The following OPLAH variants were observed in gnomAD, a reference collection of about 807,000 sequenced individuals.
The protein encoded by OPLAH is 5-oxoprolinase.
In OPLAH, 103 loss-of-function variants were observed where a neutral mutation model predicts 122.8. The observed-to-expected ratio is 0.84, with a 90% CI of 0.71 to 0.99. OPLAH has a LOEUF of 0.99. Among genes scored for constraint, OPLAH ranks in the 50% least tolerant of loss-of-function variants. The pLI is 0.00. For missense variants in OPLAH, 1,902 were observed against 1,836.5 expected (o/e 1.04, Z -0.65); for synonymous variants, 875 against 796.0 (o/e 1.10, Z -1.67).
At position 144,051,471 on chromosome 8, in the gene OPLAH, T is replaced by A. The variant is rs1190605423; in HGVS notation, c.3722A>T (p.Asp1241Val). 87 of 699,904 alleles carry A rather than the reference T, an allele frequency of 1.2e-4. No homozygotes were observed. The highest frequency in any genetic ancestry group is 1.8e-4 in the Non-Finnish European group (86 of 487,226). The allele number at this position is 699,904 out of a possible 1,614,324, so 43.4% of individuals were successfully genotyped here. Reference sequence around the variant, plus strand: ...GCCGGGCGTGTGGAGACAGAACACATCCTGTTGGCGCGGGGGGGGGCGGGG... The same window carrying A: ...GCCGGGCGTGTGGAGACAGAACACAACCTGTTGGCGCGGGGGGGGGCGGGG... The part of the protein sequence containing the change: ...GKTSVTVYPG[D>V]VFCLHTPGGG... Residue 1241 changes from aspartate to valine, a missense_variant and splice_region_variant, in exon 27 of 27, where the codon GAT becomes GTT. Around this residue, in one of 3 missense-constraint regions of OPLAH, gnomAD observed 1,726 missense variants for 1,642.1 expected, o/e 1.05. Coordinates refer to ENST00000618853, the MANE Select transcript of OPLAH (RefSeq NM_017570.5).
chr8:144,052,171 GCT>G lies in OPLAH; in HGVS notation c.3457_3458del (p.Ser1153ProfsTer35), dbSNP rs782749010. 2.6e-6 allele frequency: 4 copies of G among 1,567,306 alleles called. No homozygotes were observed. The highest frequency in any genetic ancestry group is 1.8e-5 in the Admixed American group (1 of 55,780). ...CAGCCTCCGCGCACGCCGCTCACCG[GCT>G]CTCCAGGATCTCAGGGTCGGTGATG... ...TRITDPEILE[S>X]RYPVILRRFE... On this transcript the variant is annotated frameshift_variant, in exon 24 of 27. Coordinates refer to ENST00000618853, the MANE Select transcript of OPLAH (RefSeq NM_017570.5). LOFTEE classifies it high-confidence loss of function.
In OPLAH at chr8:144,057,026, G is replaced by C; in HGVS notation, c.1628C>G (p.Thr543Ser). 6.3e-7 allele frequency: 1 copy of C among 1,598,868 alleles called. No individual in the cohort carries two copies. Among genetic ancestry groups the C allele is most frequent in the African/African-American group, 1.3e-5 (1 of 74,828 alleles). ...EPCSLLYAPE[T>S]FVQLDQRLSR... ...CAGCCTCTGGTCCAGCTGCACGAAGGTCTCAGGCGCGTAGAGCAGGGAGCA... is the reference window on the plus strand; with the variant it reads ...CAGCCTCTGGTCCAGCTGCACGAAGCTCTCAGGCGCGTAGAGCAGGGAGCA... The change falls in exon 12 of 27, where the codon ACC becomes AGC. Residue 543 changes from threonine (T) to serine (S), a missense_variant. This residue lies in a region of OPLAH where 1,726 missense variants were observed against 1,642.1 expected (regional missense o/e 1.05). Transcript: ENST00000618853.
chr8:144,057,777 G>C (rs782288018), intron 9 of OPLAH, 64 bp from the exon 10 acceptor site: 7 of 1,609,232 alleles, frequency 4.3e-6, no homozygotes, highest in Non-Finnish European at 8.5e-7. Flanking sequence ...TAGGCAGCAG[G>C]GATAGGGCTG....
intron 22 of OPLAH, 31 bp from the exon 23 acceptor site, chr8:144,052,629 T>C (rs1835411888): frequency 1.0e-5 from 16 of 1,570,154 alleles, no homozygotes; most frequent in Non-Finnish European, 1.3e-5. Context: ...TCAGGAGCTC[T>C]TGGGGTGGGC....
intron 5 of OPLAH, 32 bp downstream of exon 5, chr8:144,058,741 G>A: frequency 1.3e-6 from 2 of 1,582,294 alleles, no homozygotes. Context: ...CCCGGCACCT[G>A]CTCCCGCAGC....
rs782371725 is a variant in OPLAH, at chr8:144,051,276, A to G, written c.*50T>C. On this transcript the variant is annotated 3_prime_UTR_variant, in exon 27 of 27. Transcript: ENST00000618853. Reference sequence around the variant, plus strand: ...ACTCGGAGCACGAACTAGGCGCCGTAGCTGCGTCCCCAGAACCGGGAGACT... The same window carrying G: ...ACTCGGAGCACGAACTAGGCGCCGTGGCTGCGTCCCCAGAACCGGGAGACT... 31 of 1,604,878 alleles carry G rather than the reference A, an allele frequency of 1.9e-5. No individual in the cohort carries two copies. Among genetic ancestry groups the G allele is most frequent in the Non-Finnish European group, 2.5e-5 (30 of 1,176,990 alleles).
rs369979935 is a variant in OPLAH, at chr8:144,058,526, G to T, written c.753C>A (p.Gly251=). 1.4e-5 allele frequency: 23 copies of T among 1,593,952 alleles called. No homozygotes were observed. In the African/African-American group the frequency reaches 2.9e-4, roughly 20 times the overall value. ...LTPAIQRYVQ[G]FCRGFQGQLK... Reference sequence around the variant, plus strand: ...GTTGGCCCTGGAAGCCACGGCAGAAGCCCTGCACGTAGCGCTGGATGGCGG... The same window carrying T: ...GTTGGCCCTGGAAGCCACGGCAGAATCCCTGCACGTAGCGCTGGATGGCGG... The change falls in exon 6 of 27, where the codon GGC becomes GGA. Residue 251 remains glycine (G), a synonymous_variant. Transcript: ENST00000618853.
In OPLAH at chr8:144,051,374, G is replaced by A. The variant is rs782073859; in HGVS notation, c.3819C>T (p.Pro1273=). 1.9e-6 allele frequency: 3 copies of A among 1,608,456 alleles called. No individual in the cohort carries two copies. The South Asian group carries it at 3.3e-5, about 18-fold the overall frequency. ...PGSPPQALAF[P]EHGSVYEYRR... ...GATACTCATAGACGCTGCCGTGCTC[G>A]GGAAAGGCCAGTGCTTGCGGGGGCG... The change falls in exon 27 of 27, where the codon CCC becomes CCT. Residue 1273 remains proline (P), a synonymous_variant. Coordinates refer to ENST00000618853, the MANE Select transcript of OPLAH (RefSeq NM_017570.5).
intron 10 of OPLAH, 49 bp downstream of exon 10, chr8:144,057,399 G>A (rs1835547279): frequency 6.3e-7 from 1 of 1,585,890 alleles, no homozygotes; most frequent in African/African-American, 1.3e-5. Flanking sequence ...GCCTGGGGCA[G>A]GGAGCAGGGC....
chr8:144,062,509 G>A (rs535297147), upstream of OPLAH, among the ~76,000 whole-genome samples: 161 of 152,116 alleles, frequency 1.1e-3, 1 homozygote, highest in African/African-American at 3.2e-3. Flanking sequence ...CACTTCAGCC[G>A]AGGACCTTCC....
rs781894813 is a variant in OPLAH, at chr8:144,054,813, G to A, written c.2510C>T (p.Pro837Leu). ...AGGCAGGCGGGCAGCACCCCTCACCGGTGTGATAACAGTCAGGTCTGGCAG... is the reference window on the plus strand; with the variant it reads ...AGGCAGGCGGGCAGCACCCCTCACCAGTGTGATAACAGTCAGGTCTGGCAG... Reference protein sequence around the residue: ...SHLPDLTVITPVFWPGQTRPV... With the variant: ...SHLPDLTVITLVFWPGQTRPV... Residue 837 changes from proline (P) to leucine (L), a missense_variant and splice_region_variant, in exon 18 of 27, where the codon CCG becomes CTG. Physicochemically the swap from Pro to Leu is moderately conservative, Grantham distance 98. This residue lies in a region of OPLAH where 1,726 missense variants were observed against 1,642.1 expected (regional missense o/e 1.05). Transcript: ENST00000618853. The A allele has an allele frequency of 1.2e-5, 19 of 1,612,070 alleles. No homozygotes were observed. Among genetic ancestry groups the A allele is most frequent in the Admixed American group, 1.2e-4 (7 of 59,972 alleles).
At chr8:144,057,362 C>T in intron 10 of OPLAH, 42 bp from the exon 11 acceptor site, 1 of 1,585,942 alleles carries the variant, frequency 6.3e-7, no homozygotes, top group Non-Finnish European at 8.6e-7. Flanking sequence ...CTACTCTACC[C>T]CATCCAGCCC....
intron 3 of OPLAH, 94 bp downstream of exon 3, chr8:144,059,505 A>T (rs1308075962): frequency 4.6e-6 from 6 of 1,309,538 alleles, no homozygotes; most frequent in Admixed American, 2.5e-5. Context: ...CCCATGAGCC[A>T]TCACTAATCC....
Position 144,053,332 on chromosome 8 carries a change from C to T in OPLAH, c.2748G>A (p.Leu916=). ...KVPNCSGTRN[L]HDNLSDLRAQ... is the part of the protein sequence containing the mutation. ...CACGGAGGTCCGACAGGTTGTCGTG[C>T]AGGTTTCTGGTTCCGCTGCAGTTGG... Residue 916 remains leucine, a synonymous_variant, in exon 20 of 27, where the codon CTG becomes CTA. Coordinates refer to ENST00000618853, the MANE Select transcript of OPLAH (RefSeq NM_017570.5). 1 of 1,612,910 alleles carries T rather than the reference C, an allele frequency of 6.2e-7. No homozygotes were observed.
chr8:144,052,792 C>A lies in OPLAH; in HGVS notation c.3127G>T (p.Val1043Leu). ...SALIYCLRCL[V>L]GRDIPLNQGC... ...TGGTTGAGTGGGATGTCGCGGCCCACCAGACAGCGCAGGCAGTAGATGAGG... is the reference window on the plus strand; with the variant it reads ...TGGTTGAGTGGGATGTCGCGGCCCAACAGACAGCGCAGGCAGTAGATGAGG... Residue 1043 changes from valine (V) to leucine (L), a missense_variant, in exon 22 of 27, where the codon GTG becomes TTG. By Grantham distance (32) the Val-to-Leu change is conservative (BLOSUM62 1). Transcript: ENST00000618853. The A allele has an allele frequency of 1.9e-6, 3 of 1,564,400 alleles. No individual in the cohort carries two copies. The highest frequency in any genetic ancestry group is 1.7e-6 in the Non-Finnish European group (2 of 1,155,614).
intron 12 of OPLAH, 42 bp from the exon 13 acceptor site, chr8:144,056,797 C>A (rs1554759313): frequency 1.3e-6 from 2 of 1,566,654 alleles, no homozygotes; most frequent in Non-Finnish European, 1.7e-6. Flanking sequence ...AACCCCCTGC[C>A]CTGACCCCAC....
downstream of OPLAH, chr8:144,050,913 T>C: frequency 9.9e-7 from 1 of 1,009,906 alleles, no homozygotes; most frequent in Non-Finnish European, 1.2e-6. Flanking sequence ...GGAGGGGCCC[T>C]GGCCTTGATG....
chr8:144,051,030 C>T (rs577361053), downstream of OPLAH: 31 of 1,237,846 alleles, frequency 2.5e-5, no homozygotes, highest in Admixed American at 4.1e-5. Flanking sequence ...AGGTCGGCGC[C>T]TGGACTACAT....
At position 144,054,708 on chromosome 8, in the gene OPLAH, C is replaced by T. The variant is rs782065410; in HGVS notation, c.2539G>A (p.Val847Met). 2.5e-5 allele frequency: 41 copies of T among 1,612,446 alleles called. No homozygotes were observed. In the Middle Eastern group the frequency reaches 8.3e-4, roughly 32 times the overall value. Residue 847 changes from valine (V) to methionine (M), a missense_variant, in exon 19 of 27, where the codon GTG becomes ATG. By Grantham distance (21) the Val-to-Met change is conservative. Around this residue, in one of 3 missense-constraint regions of OPLAH, gnomAD observed 1,726 missense variants for 1,642.1 expected, o/e 1.05. Transcript: ENST00000618853. ...PVFWPGQTRP[V>M]FYVASRGHHA... ...TGCCCTCGGCTGGCCACATAGAACACAGGCCGCGTCTGACCCGGCCAAAAC... is the reference window on the plus strand; with the variant it reads ...TGCCCTCGGCTGGCCACATAGAACATAGGCCGCGTCTGACCCGGCCAAAAC...
Sources: gnomAD v4.1 joint callset for allele counts (sites outside exome capture counted in the v4.1 genomes callset) on GRCh38, gnomAD v4.1.1 for gene constraint, gnomAD v4.1.1 regional missense constraint, MANE v1.5 for transcripts, NCBI Gene and HGNC (gene_info 2026-07-23, HGNC 2026-07-21) for gene names.